The following IQCH variants were observed in gnomAD, a reference collection of about 807,000 sequenced individuals.
IQCH encodes IQ domain-containing protein H.
In IQCH, 98 loss-of-function variants were observed where a neutral mutation model predicts 117.0. The observed-to-expected ratio is 0.84, with a 90% CI of 0.71 to 0.99. The LOEUF is 0.99. Ranked by LOEUF, IQCH falls within the 50% of genes least tolerant of loss-of-function variation. IQCH has a pLI of 0.00. For missense variants in IQCH, 1,102 were observed against 1,243.8 expected, an observed-to-expected ratio of 0.89 and a Z score of 1.72; for synonymous variants, 412 against 448.2, an observed-to-expected ratio of 0.92 and a Z score of 1.02.
At position 67,405,910 on chromosome 15, in the gene IQCH, C is replaced by T. The variant is rs903072604; in HGVS notation, c.2097+5605C>T. ...TAACAGAAGAGCTGGTCTCCTTTTC[C>T]CACAAGGCAGCAAACTGGGAGGTGT... On this transcript the variant is annotated intron_variant, in intron 14 of 20. Coordinates refer to ENST00000335894, the MANE Select transcript of IQCH (RefSeq NM_001031715.3). The surrounding 1 kb of genome is among the most constrained non-coding windows in gnomAD (Gnocchi z 4.8). The T allele has an allele frequency of 1.3e-5, 2 of 152,194 alleles. No individual in the cohort carries two copies. Among genetic ancestry groups the T allele is most frequent in the African/African-American group, 4.8e-5 (2 of 41,442 alleles). The allele number at this position is 152,194 out of a possible 1,614,324, so 9.4% of individuals were successfully genotyped here.
At position 67,386,621 on chromosome 15, in the gene IQCH, CA is replaced by C. The variant is rs943708117; in HGVS notation, c.1456+1605del. 1.3e-5 allele frequency among the ~76,000 whole-genome samples: 2 copies of C among 151,912 alleles called. No individual in the cohort carries two copies. The highest frequency in any genetic ancestry group is 4.8e-5 in the African/African-American group (2 of 41,354). On this transcript the variant is annotated intron_variant, in intron 11 of 20. Transcript: ENST00000335894. The surrounding 1 kb of genome is among the most constrained non-coding windows in gnomAD (Gnocchi z 5.0). ...GGTTTTTCTTCTTATTCGGGGGAAA[CA>C]AAGATAATCCAGTCACACTGGTAAG...
At position 67,473,087 on chromosome 15, in the gene IQCH, T is replaced by G. The variant is rs948799897; in HGVS notation, c.2677-2609T>G. Among the ~76,000 whole-genome samples the G allele has an allele frequency of 6.6e-6, 1 of 152,214 alleles. No homozygotes were observed. The highest frequency in any genetic ancestry group is 2.4e-5 in the African/African-American group (1 of 41,456). ...GCTGGGGTCTGGTCTTGGTTTTTCTTGTTTATATACTATGGCAGCATCAGA... is the reference window on the plus strand; with the variant it reads ...GCTGGGGTCTGGTCTTGGTTTTTCTGGTTTATATACTATGGCAGCATCAGA... On this transcript the variant is annotated intron_variant, in intron 17 of 20. Coordinates refer to ENST00000335894, the MANE Select transcript of IQCH (RefSeq NM_001031715.3). This position sits in a 1 kb window ranked among gnomAD's most constrained non-coding sequence, Gnocchi z 4.9.
In IQCH at chr15:67,476,259, G is replaced by A. The variant is rs1375300116; in HGVS notation, c.2799+441G>A. Reference sequence around the variant, plus strand: ...CGTATTTTCTCACTGTCTGGCAGCTGGTACATCCAAGGACAAGGCACTAGC... The same window carrying A: ...CGTATTTTCTCACTGTCTGGCAGCTAGTACATCCAAGGACAAGGCACTAGC... On this transcript the variant is annotated intron_variant, in intron 18 of 20. Transcript: ENST00000335894. This position sits in a 1 kb window ranked among gnomAD's most constrained non-coding sequence, Gnocchi z 4.1. Among the ~76,000 whole-genome samples, 2 of 152,370 alleles carry A rather than the reference G, an allele frequency of 1.3e-5. No homozygotes were observed. Among genetic ancestry groups the A allele is most frequent in the East Asian group, 1.9e-4 (1 of 5,186 alleles).
At chr15:67,350,978 A>G (rs1214217716) in intron 6 of IQCH, among the ~76,000 whole-genome samples, 1 of 152,174 alleles carries the variant, frequency 6.6e-6, no homozygotes, top group Non-Finnish European at 1.5e-5. Context: ...TAGAGATGCC[A>G]GGGCCCTCCC....
chr15:67,409,198 C>T (rs1261294729), intron 14 of IQCH, among the ~76,000 whole-genome samples: 16 of 152,078 alleles, frequency 1.1e-4, no homozygotes, highest in Non-Finnish European at 1.5e-5. Context: ...CAGGGCTTGT[C>T]GGGGCTTTGA....
At chr15:67,343,614 G>A (rs750368191) in intron 5 of IQCH, among the ~76,000 whole-genome samples, 1 of 152,122 alleles carries the variant, frequency 6.6e-6, no homozygotes, top group Non-Finnish European at 1.5e-5. Context: ...ATTTGATAAA[G>A]CATGACTGAT....
chr15:67,324,109 A>AT (rs1968282122), intron 4 of IQCH, among the ~76,000 whole-genome samples: 1 of 151,178 alleles, frequency 6.6e-6, no homozygotes, highest in Non-Finnish European at 1.5e-5. Flanking sequence ...AGGCCTGGCT[A>AT]ATTTTTGTAT....
chr15:67,435,416 C>G (rs2140951909), intron 16 of IQCH, among the ~76,000 whole-genome samples: 1 of 152,074 alleles, frequency 6.6e-6, no homozygotes, highest in Non-Finnish European at 1.5e-5. Flanking sequence ...GAAACCCTGT[C>G]TCTATTAAAA....
rs1970304054 is a variant in IQCH, at chr15:67,365,595, G to A, written c.753+5710G>A. 6.6e-6 allele frequency among the ~76,000 whole-genome samples: 1 copy of A among 152,142 alleles called. No homozygotes were observed. Among genetic ancestry groups the A allele is most frequent in the Non-Finnish European group, 1.5e-5 (1 of 68,038 alleles). On this transcript the variant is annotated intron_variant, in intron 8 of 20. Transcript: ENST00000335894. This position sits in a 1 kb window ranked among gnomAD's most constrained non-coding sequence, Gnocchi z 4.4. ...CAGATATTTAATATAATATCAAAGA[G>A]TGAGATAAGTGCTATGAAGAAAAAT... is the stretch of plus-strand genomic sequence containing the variant.
chr15:67,258,545 A>AAT (rs11385491), intron 1 of IQCH, among the ~76,000 whole-genome samples: 1 of 151,144 alleles, frequency 6.6e-6, no homozygotes, highest in Non-Finnish European at 1.5e-5. Context: ...AAAAAAAAAA[A>AAT]GAATGAAGTT....
chr15:67,379,806 T>C (rs1359556485), intron 10 of IQCH, among the ~76,000 whole-genome samples: 1 of 152,186 alleles, frequency 6.6e-6, no homozygotes, highest in Non-Finnish European at 1.5e-5. Flanking sequence ...TCCCCAGTCA[T>C]GTGGAACTGT....
rs1308155362 is a variant in IQCH at position 67,475,615 on chromosome 15, A to C, written c.2677-81A>C. On this transcript the variant is annotated intron_variant, in intron 17 of 20. Transcript: ENST00000335894. The surrounding 1 kb of genome is among the most constrained non-coding windows in gnomAD (Gnocchi z 5.7). ...AGGAACTCTCAGAATTATCTTCGCA[A>C]TTTTCCTGTTAATCTCAAGTATTCC... 1 of 1,310,106 alleles carries C rather than the reference A, an allele frequency of 7.6e-7. No individual in the cohort carries two copies. Among genetic ancestry groups the C allele is most frequent in the Admixed American group, 1.9e-5 (1 of 51,840 alleles). 81.2% of individuals were successfully genotyped at this position (1,310,106 alleles called of 1,614,324 possible).
chr15:67,294,742 G>A (rs1283962265), intron 4 of IQCH, among the ~76,000 whole-genome samples: 1 of 152,222 alleles, frequency 6.6e-6, no homozygotes, highest in African/African-American at 2.4e-5. Context: ...GCTAGCAATT[G>A]ACTACCTCTG....
chr15:67,290,514 T>C (rs970268158), intron 4 of IQCH, among the ~76,000 whole-genome samples: 5 of 152,196 alleles, frequency 3.3e-5, no homozygotes, highest in Admixed American at 2.0e-4. Flanking sequence ...GCATCACAGC[T>C]TACTCCTGTG....
At chr15:67,435,869 TAA>T (rs78859437) in intron 16 of IQCH, among the ~76,000 whole-genome samples, 6 of 138,590 alleles carry the variant, frequency 4.3e-5, no homozygotes, top group Admixed American at 7.2e-5. Context: ...AGACCCTGTC[TAA>T]AAAAAAAAAA....
In IQCH at chr15:67,362,149, C is replaced by CCACACACA. The variant is rs5813439; in HGVS notation, c.753+2279_753+2286dup. Among the ~76,000 whole-genome samples, 214 of 150,512 alleles carry CCACACACA rather than the reference C, an allele frequency of 1.4e-3. 3 individuals carry two copies. The highest frequency in any genetic ancestry group is 4.5e-3 in the African/African-American group (185 of 40,974). On this transcript the variant is annotated intron_variant, in intron 8 of 20. Coordinates refer to ENST00000335894, the MANE Select transcript of IQCH (RefSeq NM_001031715.3). ...TATATAACATACATATACGCACACA[C>CCACACACA]CACACACACACACACACACACATAC...
chr15:67,498,496 A>G (rs1349212947), intron 20 of IQCH, among the ~76,000 whole-genome samples: 1 of 151,932 alleles, frequency 6.6e-6, no homozygotes, highest in African/African-American at 2.4e-5. Context: ...TGCACCTGTA[A>G]TCCCAGCTAC....
chr15:67,465,235 G>A lies in IQCH; in HGVS notation c.2614G>A (p.Val872Met). 1 of 1,614,050 alleles carries A rather than the reference G, an allele frequency of 6.2e-7. No homozygotes were observed. The highest frequency in any genetic ancestry group is 1.3e-5 in the African/African-American group (1 of 75,002). Residue 872 changes from valine (V) to methionine (M), a missense_variant, in exon 17 of 21, where the codon GTG (valine) becomes ATG (methionine). Val to Met is a conservative substitution (Grantham distance 21). This residue lies in a region of IQCH where 650 missense variants were observed against 794.3 expected (regional missense o/e 0.82). Transcript: ENST00000335894. The surrounding 1 kb of genome is among the most constrained non-coding windows in gnomAD (Gnocchi z 5.9). ...HLDCSLSTLEVPRFVPKERKK... is the reference protein window; with the variant it reads ...HLDCSLSTLEMPRFVPKERKK... ...GGATTGCAGTTTGAGCACCCTGGAA[G>A]TGCCCCGCTTTGTTCCAAAGGAAAG...
chr15:67,488,886 G>A (rs566508239), intron 18 of IQCH, among the ~76,000 whole-genome samples: 12 of 152,110 alleles, frequency 7.9e-5, no homozygotes, highest in East Asian at 5.8e-4. Context: ...TGTGTGGCCC[G>A]GTTCCTAACA....
Sources: gnomAD v4.1 joint callset for allele counts (sites outside exome capture counted in the v4.1 genomes callset) on GRCh38, gnomAD v4.1.1 for gene constraint, gnomAD v4.1.1 regional missense constraint, Gnocchi (gnomAD v3.1) non-coding constraint, MANE v1.5 for transcripts, NCBI Gene and HGNC (gene_info 2026-07-23, HGNC 2026-07-21) for gene names.